Variants in OSBPL5 observed in about 807,000 individuals in gnomAD.
The protein encoded by OSBPL5 is oxysterol-binding protein-related protein 5.
In OSBPL5, 71 loss-of-function variants were observed where a neutral mutation model predicts 111.2. The observed-to-expected ratio is 0.64, with a 90% CI of 0.53 to 0.78. The LOEUF (loss-of-function observed/expected upper bound fraction) is 0.78, where lower values mean the gene tolerates loss of function less well. Among genes scored for constraint, OSBPL5 ranks in the 30% least tolerant of loss-of-function variants. The probability of loss-of-function intolerance (pLI) is 0.00; values close to 1 mark genes in which losing one functional copy is unlikely to be tolerated. For missense variants in OSBPL5, 1,210 were observed against 1,189.3 expected (o/e 1.02, Z -0.26); for synonymous variants, 549 against 513.9 (o/e 1.07, Z -0.93).
intron 1 of OSBPL5, among the ~76,000 whole-genome samples, chr11:3,139,987 C>T (rs539194100): frequency 6.6e-6 from 1 of 152,226 alleles, no homozygotes; most frequent in African/African-American, 2.4e-5. Context: ...AGGTGCCCCC[C>T]CTGCTCTGAG....
At position 3,126,473 on chromosome 11, in the gene OSBPL5, C is replaced by T. The variant is rs765547630; in HGVS notation, c.219G>A (p.Pro73=). 119 of 1,607,972 alleles carry T rather than the reference C, an allele frequency of 7.4e-5. No homozygotes were observed. The highest frequency in any genetic ancestry group is 3.8e-4 in the South Asian group (34 of 90,258). The part of the protein sequence containing the change: ...PTPSSATKVP[P]AEYRLCNGSD... ...GATCCTCCTATACCCAGGCTCTTAC[C>T]GGTGGCACCTTCGTGGCAGAGCTTG... Residue 73 remains proline (P), a splice_region_variant and synonymous_variant, in exon 3 of 22, where the codon CCG becomes CCA. Coordinates refer to ENST00000263650, the MANE Select transcript of OSBPL5 (RefSeq NM_020896.4). This position sits in a 1 kb window ranked among gnomAD's most constrained non-coding sequence, Gnocchi z 6.5.
intron 17 of OSBPL5, 130 bp from the exon 18 acceptor site, chr11:3,093,182 G>A: frequency 2.0e-6 from 2 of 977,184 alleles, no homozygotes; most frequent in Non-Finnish European, 2.9e-6. Context: ...ACAGTGACAG[G>A]GAGCTCACTA....
At chr11:3,145,419 C>T (rs913386258) in intron 1 of OSBPL5, among the ~76,000 whole-genome samples, 1 of 152,212 alleles carries the variant, frequency 6.6e-6, no homozygotes, top group South Asian at 2.1e-4. Context: ...TTGGTCACAT[C>T]CCCTCCTCCC....
In OSBPL5 at chr11:3,107,475, A is replaced by C; in HGVS notation, c.867-20T>G. ...TTCAGTCTGGAAGGTGGATGGTGCC[A>C]GTGGGTCCCTGTCACAGGTGAGAGC... On this transcript the variant is annotated intron_variant, in intron 8 of 21. Coordinates refer to ENST00000263650, the MANE Select transcript of OSBPL5 (RefSeq NM_020896.4). The surrounding 1 kb of genome is among the most constrained non-coding windows in gnomAD (Gnocchi z 6.1). 6.2e-7 allele frequency: 1 copy of C among 1,613,132 alleles called. No homozygotes were observed. Among genetic ancestry groups the C allele is most frequent in the Non-Finnish European group, 8.5e-7 (1 of 1,179,358 alleles).
At chr11:3,111,895 A>G (rs1302242495) in intron 7 of OSBPL5, among the ~76,000 whole-genome samples, 1 of 152,120 alleles carries the variant, frequency 6.6e-6, no homozygotes, top group Non-Finnish European at 1.5e-5. Flanking sequence ...ATTTAAAAAG[A>G]TTTTTTCAAA....
chr11:3,122,269 G>A, intron 4 of OSBPL5, 79 bp downstream of exon 4: 1 of 1,473,084 alleles, frequency 6.8e-7, no homozygotes, highest in East Asian at 2.4e-5. Context: ...TTTGACAGGT[G>A]GGGAGGGTGA....
intron 1 of OSBPL5, chr11:3,164,261 C>T (rs76023520): frequency 0.029 from 4,358 of 152,386 alleles, 118 homozygotes; most frequent in Middle Eastern, 0.044. Flanking sequence ...CCAGCCGCTT[C>T]GGCGGGGCAG....
intron 7 of OSBPL5, among the ~76,000 whole-genome samples, chr11:3,116,854 CAAAA>C (rs371907970): frequency 1.3e-5 from 1 of 75,468 alleles, no homozygotes; most frequent in Admixed American, 1.5e-4. Flanking sequence ...GACTCCATCA[CAAAA>C]AAAAAAAAAA....
At chr11:3,101,338 A>C (rs1590645368) in intron 13 of OSBPL5, among the ~76,000 whole-genome samples, 1 of 152,292 alleles carries the variant, frequency 6.6e-6, no homozygotes, top group East Asian at 1.9e-4. Flanking sequence ...GCTCAGCCCC[A>C]GTCCGCACCT....
rs1054556558 is a variant in OSBPL5 at position 3,154,595 on chromosome 11, C to T, written c.-22+10621G>A. 2.0e-5 allele frequency among the ~76,000 whole-genome samples: 3 copies of T among 152,158 alleles called. No homozygotes were observed. The highest frequency in any genetic ancestry group is 2.9e-5 in the Non-Finnish European group (2 of 68,030). On this transcript the variant is annotated intron_variant, in intron 1 of 21. Transcript: ENST00000263650. The surrounding 1 kb of genome is among the most constrained non-coding windows in gnomAD (Gnocchi z 4.9). ...CTCTGATCACATCAAAATCTTACTC[C>T]GGGCAAATGCTGGGCCCTCACAGGG...
intron 1 of OSBPL5, among the ~76,000 whole-genome samples, chr11:3,143,821 CA>C (rs1008876523): frequency 1.3e-5 from 2 of 152,200 alleles, no homozygotes; most frequent in African/African-American, 2.4e-5. Flanking sequence ...TACTGCAGCC[CA>C]GGGGGATCCT....
Position 3,107,136 on chromosome 11 carries a change from A to G in OSBPL5, c.1059+127T>C, listed in dbSNP as rs1038453488. 4 of 962,094 alleles carry G rather than the reference A, an allele frequency of 4.2e-6. No individual in the cohort carries two copies. Among genetic ancestry groups the G allele is most frequent in the Non-Finnish European group, 6.1e-6 (4 of 659,904 alleles). The allele number at this position is 962,094 out of a possible 1,614,324, so 59.6% of individuals were successfully genotyped here. On this transcript the variant is annotated intron_variant, in intron 9 of 21. Coordinates refer to ENST00000263650, the MANE Select transcript of OSBPL5 (RefSeq NM_020896.4). The surrounding 1 kb of genome is among the most constrained non-coding windows in gnomAD (Gnocchi z 6.1). The stretch of plus-strand genomic sequence containing the variant: ...CAGCTCCTGGACTCACTGCCAAGTG[A>G]TGGGGACAAAAGCTACCCCCTGGGC...
intron 19 of OSBPL5, among the ~76,000 whole-genome samples, chr11:3,091,906 G>A (rs1857068252): frequency 1.3e-5 from 2 of 152,160 alleles, no homozygotes; most frequent in Admixed American, 1.3e-4. Flanking sequence ...CACGGCTGGG[G>A]CGGTGCAGCT....
intron 1 of OSBPL5, among the ~76,000 whole-genome samples, chr11:3,158,163 G>T (rs1206504099): frequency 6.6e-6 from 1 of 152,240 alleles, no homozygotes; most frequent in East Asian, 1.9e-4. Flanking sequence ...GCCTCCTGTG[G>T]CCAAGCGGCC....
chr11:3,101,534 G>C (rs1857454597), intron 13 of OSBPL5, 69 bp downstream of exon 13: 1 of 1,417,602 alleles, frequency 7.1e-7, no homozygotes, highest in African/African-American at 1.4e-5. Context: ...TGGTCCACTG[G>C]CTCCCGGAGT....
At chr11:3,096,944 G>A (rs1290284324) in intron 14 of OSBPL5, among the ~76,000 whole-genome samples, 6 of 150,070 alleles carry the variant, frequency 4.0e-5, no homozygotes, top group Non-Finnish European at 8.9e-5. Context: ...AGGAAAGAGG[G>A]AGGAGATGGG....
chr11:3,088,391 G>C, intron 21 of OSBPL5, 48 bp from the exon 22 acceptor site: 2 of 1,464,944 alleles, frequency 1.4e-6, no homozygotes, highest in Non-Finnish European at 1.8e-6. Context: ...ATGCCAGCAA[G>C]TCCCCCTCCC....
chr11:3,114,542 G>T (rs1041397699), intron 7 of OSBPL5, among the ~76,000 whole-genome samples: 7 of 145,022 alleles, frequency 4.8e-5, no homozygotes, highest in Non-Finnish European at 9.0e-5. Context: ...TAGAGATTGG[G>T]TTTGATGTAA....
At chr11:3,102,643 T>G (rs1302551433) in intron 11 of OSBPL5, among the ~76,000 whole-genome samples, 1 of 151,068 alleles carries the variant, frequency 6.6e-6, no homozygotes, top group Non-Finnish European at 1.5e-5. Context: ...ACCCCAAACC[T>G]GCTGTACGAC....
Sources: allele counts gnomAD v4.1 joint callset (sites outside exome capture counted in the v4.1 genomes callset), GRCh38; gene constraint gnomAD v4.1.1; non-coding constraint Gnocchi (gnomAD v3.1); transcripts MANE v1.5; gene names NCBI Gene and HGNC (gene_info 2026-07-23, HGNC 2026-07-21).